Variants in NOX3 observed in about 807,000 individuals in gnomAD.
The protein encoded by NOX3 is NADPH oxidase 3.
In NOX3, 74 loss-of-function variants were observed where a neutral mutation model predicts 76.7. The ratio of observed to expected loss-of-function variants is 0.96; its 90% confidence interval spans 0.80 to 1.17. The LOEUF (loss-of-function observed/expected upper bound fraction) is 1.17. NOX3 is among the 50% of genes most tolerant of loss of function. The pLI is 0.00. For synonymous variants in NOX3, 263 were observed against 261.1 expected, an observed-to-expected ratio of 1.01 and a Z score of -0.07; for missense variants, 695 against 703.3, an observed-to-expected ratio of 0.99 and a Z score of 0.13.
In NOX3 at chr6:155,396,891, T is replaced by C. The variant is rs747506368; in HGVS notation, c.1652A>G (p.Tyr551Cys). 3.1e-6 allele frequency: 5 copies of C among 1,613,526 alleles called. No individual in the cohort carries two copies. Among genetic ancestry groups the C allele is most frequent in the Non-Finnish European group, 4.2e-6 (5 of 1,179,600 alleles). Residue 551 changes from tyrosine to cysteine, a missense_variant, in exon 13 of 14, where the codon TAT becomes TGT. Tyr to Cys is a radical substitution (Grantham distance 194, BLOSUM62 -2). Transcript: ENST00000159060. ...AACACCTCTGGGGTCAGCTGATGAA[T>C]ACAAGTGGCACATCTTTTGAAGTGT... ...SRTLQKMCHL[Y>C]SSADPRGVHF...
At chr6:155,444,645 C>T (rs530464823) in intron 4 of NOX3, among the ~76,000 whole-genome samples, 2 of 152,284 alleles carry the variant, frequency 1.3e-5, no homozygotes, top group East Asian at 1.9e-4. Flanking sequence ...GTGCTAGTTT[C>T]GCTGTCACAC....
intron 4 of NOX3, among the ~76,000 whole-genome samples, chr6:155,453,202 T>C (rs1777169566): frequency 6.6e-6 from 1 of 152,106 alleles, no homozygotes; most frequent in Non-Finnish European, 1.5e-5. Context: ...TTTGACCAAT[T>C]GAGGTCTTGG....
chr6:155,450,143 G>A (rs1777115534), intron 4 of NOX3, among the ~76,000 whole-genome samples: 1 of 152,168 alleles, frequency 6.6e-6, no homozygotes, highest in Non-Finnish European at 1.5e-5. Flanking sequence ...TTGCAGTTCT[G>A]ACCCTGCTGG....
At chr6:155,447,139 G>A (rs574786346) in intron 4 of NOX3, among the ~76,000 whole-genome samples, 8 of 151,116 alleles carry the variant, frequency 5.3e-5, no homozygotes, top group Middle Eastern at 6.8e-3. Context: ...TCTGCCTCTC[G>A]GGTTCAAGCA....
chr6:155,403,191 C>T (rs912254016), intron 12 of NOX3, among the ~76,000 whole-genome samples: 15 of 152,136 alleles, frequency 9.9e-5, no homozygotes, highest in African/African-American at 3.1e-4. Flanking sequence ...ATTCTCTTTC[C>T]GAGATTTCTT....
chr6:155,455,289 A>AT (rs1168633350), intron 1 of NOX3, among the ~76,000 whole-genome samples, 160 bp from the exon 2 acceptor site: 1 of 152,246 alleles, frequency 6.6e-6, no homozygotes, highest in African/African-American at 2.4e-5. Flanking sequence ...TTTTAATAGG[A>AT]TTATGATGGT....
At chr6:155,421,692 G>T (rs899612646) in intron 10 of NOX3, among the ~76,000 whole-genome samples, 14 of 152,060 alleles carry the variant, frequency 9.2e-5, no homozygotes, top group African/African-American at 3.4e-4. Context: ...GTCTCTCTAT[G>T]CGGCCCGGGC....
At position 155,416,744 on chromosome 6, in the gene NOX3, C is replaced by CTTTTTTTTTTTTTTTT. The variant is rs534711414; in HGVS notation, c.1309-5400_1309-5385dup. On this transcript the variant is annotated intron_variant, in intron 10 of 13. Transcript: ENST00000159060. ...GGACAACTGAAACATCTGAAACATT[C>CTTTTTTTTTTTTTTTT]TTTTTTTTTTTTTTTTTTTTTTTTG... is the stretch of plus-strand genomic sequence containing the variant. 3.7e-4 allele frequency among the ~76,000 whole-genome samples: 34 copies of CTTTTTTTTTTTTTTTT among 92,532 alleles called. 4 individuals are homozygous for CTTTTTTTTTTTTTTTT. The highest frequency in any genetic ancestry group is 9.1e-4 in the African/African-American group (22 of 24,096). 60.7% of individuals were successfully genotyped at this position (92,532 alleles called of 152,430 possible).
intron 4 of NOX3, among the ~76,000 whole-genome samples, chr6:155,449,644 C>T (rs1777109576): frequency 6.6e-6 from 1 of 152,174 alleles, no homozygotes; most frequent in Non-Finnish European, 1.5e-5. Flanking sequence ...CCCTCCTCCT[C>T]CCTCGCCTTC....
At chr6:155,425,668 G>T (rs1776746551) in intron 9 of NOX3, among the ~76,000 whole-genome samples, 1 of 152,184 alleles carries the variant, frequency 6.6e-6, no homozygotes, top group African/African-American at 2.4e-5. Flanking sequence ...CCTAAACAAA[G>T]CCATGAGTAC....
chr6:155,407,261 T>A lies in NOX3; in HGVS notation c.1456-7A>T. ...GTAAAGCTATGTGAAGAGCCTAAAG[T>A]AAATTTGTGGCATTAGATGACATTT... On this transcript the variant is annotated splice_polypyrimidine_tract_variant and splice_region_variant and intron_variant, in intron 11 of 13. Transcript: ENST00000159060. The A allele has an allele frequency of 6.2e-7, 1 of 1,608,662 alleles. No homozygotes were observed.
intron 10 of NOX3, among the ~76,000 whole-genome samples, chr6:155,411,930 C>T (rs1776557188): frequency 6.6e-6 from 1 of 152,076 alleles, no homozygotes; most frequent in Admixed American, 6.5e-5. Flanking sequence ...GCGGCTGTGC[C>T]TGTGTGTCAA....
At chr6:155,424,506 C>T (rs1776731991) in intron 9 of NOX3, among the ~76,000 whole-genome samples, 1 of 152,132 alleles carries the variant, frequency 6.6e-6, no homozygotes, top group Non-Finnish European at 1.5e-5. Flanking sequence ...ATAACCATTC[C>T]CTAAGGGGTG....
At chr6:155,438,223 G>A (rs967071870) in intron 6 of NOX3, among the ~76,000 whole-genome samples, 3 of 152,170 alleles carry the variant, frequency 2.0e-5, no homozygotes, top group African/African-American at 7.2e-5. Context: ...AGAATCAGCA[G>A]TAGAAAGGGA....
chr6:155,397,242 C>T, intron 12 of NOX3, among the ~76,000 whole-genome samples: 1 of 151,914 alleles, frequency 6.6e-6, no homozygotes, highest in Non-Finnish European at 1.5e-5. Context: ...GATACAACAC[C>T]CTGCAATGTT....
In NOX3 at chr6:155,422,813, A is replaced by G; in HGVS notation, c.1189T>C (p.Phe397Leu). 6.2e-7 allele frequency: 1 copy of G among 1,614,194 alleles called. No homozygotes were observed. The highest frequency in any genetic ancestry group is 8.5e-7 in the Non-Finnish European group (1 of 1,180,020). Residue 397 changes from phenylalanine to leucine, a missense_variant, in exon 10 of 14, where the codon TTT becomes CTT. Coordinates refer to ENST00000159060, the MANE Select transcript of NOX3 (RefSeq NM_015718.3). ...ACGCACACACACACTGGGTAGTGAAATACATCTGTCAGGGCAGTTCCAAAG... is the reference window on the plus strand; with the variant it reads ...ACGCACACACACACTGGGTAGTGAAGTACATCTGTCAGGGCAGTTCCAAAG... ...GPFGTALTDV[F>L]HYPVCVCVAA...
intron 4 of NOX3, among the ~76,000 whole-genome samples, chr6:155,450,302 A>G (rs1777117584): frequency 6.6e-6 from 1 of 152,174 alleles, no homozygotes; most frequent in South Asian, 2.1e-4. Context: ...CAGAATGTGA[A>G]TGTATTATCT....
intron 9 of NOX3, among the ~76,000 whole-genome samples, chr6:155,425,508 T>G (rs1210363065): frequency 6.6e-6 from 1 of 152,166 alleles, no homozygotes; most frequent in African/African-American, 2.4e-5. Context: ...CTGAACTGAC[T>G]GCATTTACTC....
intron 6 of NOX3, 41 bp downstream of exon 6, chr6:155,439,915 C>G (rs774252199): frequency 1.3e-6 from 2 of 1,560,038 alleles, no homozygotes; most frequent in Non-Finnish European, 1.7e-6. Flanking sequence ...TTGGGACTCT[C>G]AGAGATAAAA....
Sources: allele counts gnomAD v4.1 joint callset (sites outside exome capture counted in the v4.1 genomes callset), GRCh38; gene constraint gnomAD v4.1.1; transcripts MANE v1.5; gene names NCBI Gene and HGNC (gene_info 2026-07-23, HGNC 2026-07-21).